CNIH3: variants seen among roughly 807,000 people sequenced by gnomAD.
CNIH3 encodes cornichon family AMPA receptor auxiliary protein 3, also known as protein cornichon homolog 3.
Under a neutral mutation model 24.1 loss-of-function variants are expected in CNIH3, and 14 were observed. The ratio of observed to expected loss-of-function variants is 0.58; its 90% CI spans 0.38 to 0.91. The LOEUF is 0.91. Among genes scored for constraint, CNIH3 ranks in the 40% least tolerant of loss-of-function variants. The pLI is 0.00. For synonymous variants in CNIH3, 68 were observed against 73.8 expected, an observed-to-expected ratio of 0.92 and a Z score of 0.40; for missense variants, 178 against 196.8, an observed-to-expected ratio of 0.90 and a Z score of 0.57.
At chr1:224,692,727 C>T (rs1686990167) in intron 3 of CNIH3, among the ~76,000 whole-genome samples, 6 of 152,138 alleles carry the variant, frequency 3.9e-5, no homozygotes, top group Admixed American at 2.0e-4. Context: ...AGTATATATC[C>T]GAGAGTCTCC....
At chr1:224,472,998 T>C (rs1676428217) in intron 1 of CNIH3, among the ~76,000 whole-genome samples, 1 of 152,170 alleles carries the variant, frequency 6.6e-6, no homozygotes, top group African/African-American at 2.4e-5. Context: ...CCAGAGCTGC[T>C]TATCTCTCAT....
In CNIH3 at chr1:224,739,585, A is replaced by G. The variant is rs1327336190; in HGVS notation, c.*229A>G. 4.1e-6 allele frequency: 3 copies of G among 739,768 alleles called. No homozygotes were observed. The highest frequency in any genetic ancestry group is 6.5e-6 in the Non-Finnish European group (3 of 464,778). 45.8% of individuals were successfully genotyped at this position (739,768 alleles called of 1,614,324 possible). The stretch of plus-strand genomic sequence containing the variant: ...AATCTTTGGCATTCGAATTCCACAC[A>G]CGGGGTCCTAGAGCCCTTCTGAGCA... On this transcript the variant is annotated 3_prime_UTR_variant, in exon 6 of 6. Transcript: ENST00000272133.
chr1:224,687,174 G>A (rs764795509), intron 3 of CNIH3, among the ~76,000 whole-genome samples: 21 of 152,190 alleles, frequency 1.4e-4, no homozygotes, highest in Non-Finnish European at 2.9e-4. Flanking sequence ...ACGGGGAGTA[G>A]CACTGGAGTG....
At chr1:224,527,128 G>C (rs1393662645) in intron 2 of CNIH3, among the ~76,000 whole-genome samples, 1 of 152,150 alleles carries the variant, frequency 6.6e-6, no homozygotes, top group Non-Finnish European at 1.5e-5. Context: ...CTTGATGAGC[G>C]TGAGTGCTCA....
intron 1 of CNIH3, among the ~76,000 whole-genome samples, chr1:224,447,890 CATT>C (rs1046950233): frequency 1.3e-5 from 2 of 152,132 alleles, no homozygotes; most frequent in Admixed American, 6.5e-5. Flanking sequence ...AAAATAATAA[CATT>C]ATTATTGTTT....
chr1:224,510,507 G>A (rs1678100095), intron 1 of CNIH3, among the ~76,000 whole-genome samples: 1 of 150,814 alleles, frequency 6.6e-6, no homozygotes, highest in Non-Finnish European at 1.5e-5. Flanking sequence ...TGAGGCAGGA[G>A]GCTTATTTGA....
intron 1 of CNIH3, among the ~76,000 whole-genome samples, chr1:224,671,126 C>T (rs1685844621): frequency 6.6e-6 from 1 of 152,220 alleles, no homozygotes; most frequent in African/African-American, 2.4e-5. Flanking sequence ...AGAATTGGGA[C>T]TTCTCAGCCT....
intron 3 of CNIH3, among the ~76,000 whole-genome samples, chr1:224,713,541 CT>C (rs551746371): frequency 2.0e-5 from 3 of 152,258 alleles, no homozygotes; most frequent in African/African-American, 7.2e-5. Context: ...ACTTTCCTAC[CT>C]GTAAAGTAGG....
At chr1:224,711,321 TCTC>T (rs1688129947) in intron 3 of CNIH3, among the ~76,000 whole-genome samples, 1 of 137,522 alleles carries the variant, frequency 7.3e-6, no homozygotes, top group South Asian at 2.4e-4. Context: ...TCTCTCTCTC[TCTC>T]TTTTTTTTTT....
chr1:224,597,118 C>T (rs543392032), intron 3 of CNIH3, among the ~76,000 whole-genome samples: 3 of 152,156 alleles, frequency 2.0e-5, no homozygotes, highest in Non-Finnish European at 4.4e-5. Flanking sequence ...CACCATTGCA[C>T]TCCAGCCTGG....
intron 2 of CNIH3, among the ~76,000 whole-genome samples, chr1:224,525,090 T>C (rs1678793021): frequency 6.6e-6 from 1 of 152,228 alleles, no homozygotes; most frequent in Non-Finnish European, 1.5e-5. Flanking sequence ...TGTTCTAATC[T>C]AAGCTCTCAT....
At chr1:224,443,311 A>T (rs1297297392) in intron 1 of CNIH3, among the ~76,000 whole-genome samples, 2 of 152,124 alleles carry the variant, frequency 1.3e-5, no homozygotes, top group Non-Finnish European at 2.9e-5. Context: ...TATATTTACA[A>T]CTACTTGCAT....
intron 3 of CNIH3, among the ~76,000 whole-genome samples, chr1:224,555,884 C>T (rs1397195829): frequency 6.6e-6 from 1 of 152,190 alleles, no homozygotes; most frequent in Non-Finnish European, 1.5e-5. Flanking sequence ...CGGTCATCCT[C>T]CATGGTTCCT....
chr1:224,547,289 C>T (rs1572452675), intron 3 of CNIH3, among the ~76,000 whole-genome samples: 1 of 152,032 alleles, frequency 6.6e-6, no homozygotes, highest in East Asian at 1.9e-4. Flanking sequence ...GGAGATATTA[C>T]TCCAAATATC....
upstream of CNIH3, among the ~76,000 whole-genome samples, chr1:224,613,748 CCTT>C (rs1367508277): frequency 5.3e-5 from 8 of 152,220 alleles, no homozygotes; most frequent in African/African-American, 1.9e-4. Flanking sequence ...TCCTGCTTCA[CCTT>C]CTACCATGAA....
At position 224,734,638 on chromosome 1, in the gene CNIH3, T is replaced by C. The variant is rs750595017; in HGVS notation, c.387T>C (p.Ser129=). ...PPVVMNADTL[S]YCQKEAWCKL... ...TGGTCATGAATGCCGACACTTTGAG[T>C]TACTGTCAGAAGGAGGCCTGGTGTA... The change falls in exon 5 of 6, where the codon AGT becomes AGC. Residue 129 remains serine, a synonymous_variant. Transcript: ENST00000272133. 17 of 1,613,946 alleles carry C rather than the reference T, an allele frequency of 1.1e-5. No individual in the cohort carries two copies. In the South Asian group the frequency reaches 1.6e-4, roughly 16 times the overall value.
At chr1:224,656,325 A>G (rs1685093059) in intron 1 of CNIH3, among the ~76,000 whole-genome samples, 1 of 152,236 alleles carries the variant, frequency 6.6e-6, no homozygotes, top group Non-Finnish European at 1.5e-5. Flanking sequence ...AACTAAAGTA[A>G]TTAACAGCAT....
In CNIH3 at chr1:224,616,387, C is replaced by T. The variant is rs1682987320; in HGVS notation, c.-788C>T. ...GGTGGAGCGAGCTACAGCGTTTGGC[C>T]TGAAACCCACTGCTGCAGCCACCCG... On this transcript the variant is annotated 5_prime_UTR_variant, in exon 1 of 6. Coordinates refer to ENST00000272133, the MANE Select transcript of CNIH3 (RefSeq NM_152495.2). The T allele has an allele frequency of 2.3e-6, 2 of 852,788 alleles. No individual in the cohort carries two copies. The highest frequency in any genetic ancestry group is 3.8e-5 in the South Asian group (1 of 26,234). 52.8% of individuals were successfully genotyped at this position (852,788 alleles called of 1,614,324 possible).
At chr1:224,574,679 G>C in intron 4 of CNIH3, 1 of 1,097,384 alleles carries the variant, frequency 9.1e-7, no homozygotes, top group Non-Finnish European at 1.4e-6. Flanking sequence ...TGTGGTGAGC[G>C]TACCATGAGA....
Sources: gnomAD v4.1 joint callset for allele counts (sites outside exome capture counted in the v4.1 genomes callset) on GRCh38, gnomAD v4.1.1 for gene constraint, MANE v1.5 for transcripts, NCBI Gene and HGNC (gene_info 2026-07-23, HGNC 2026-07-21) for gene names.